The following PITPNC1 variants were observed in gnomAD, a reference collection of about 807,000 sequenced individuals.
PITPNC1 encodes phosphatidylinositol transfer protein cytoplasmic 1, also known as cytoplasmic phosphatidylinositol transfer protein 1.
PITPNC1 carries 18 observed loss-of-function variants against 44.7 expected under a neutral mutation model. The ratio of observed to expected loss-of-function variants is 0.40; its 90% CI spans 0.28 to 0.60. The LOEUF (loss-of-function observed/expected upper bound fraction) is 0.60, where lower values mean the gene tolerates loss of function less well. Ranked by LOEUF, PITPNC1 falls within the 20% of genes least tolerant of loss-of-function variation. The pLI is 0.39. For synonymous variants in PITPNC1, 141 were observed against 149.6 expected (o/e 0.94, Z 0.42); for missense variants, 290 against 418.4 (o/e 0.69, Z 2.68).
chr17:67,383,049 G>C (rs1480137165), intron 1 of PITPNC1, among the ~76,000 whole-genome samples: 1 of 151,960 alleles, frequency 6.6e-6, no homozygotes, highest in Non-Finnish European at 1.5e-5. Context: ...AGGCTGGAGT[G>C]CAGTGGCGCA....
chr17:67,685,884 G>A (rs2042806164), intron 8 of PITPNC1, among the ~76,000 whole-genome samples: 2 of 152,034 alleles, frequency 1.3e-5, no homozygotes, highest in South Asian at 4.2e-4. Flanking sequence ...AGGCTGGAGT[G>A]CAGTGGTGTG....
chr17:67,400,262 T>G (rs1016109927), intron 1 of PITPNC1, among the ~76,000 whole-genome samples: 1 of 152,226 alleles, frequency 6.6e-6, no homozygotes, highest in Non-Finnish European at 1.5e-5. Context: ...GGCTTAAGGA[T>G]TAGTTTATTT....
chr17:67,591,511 TA>T (rs1191537105), intron 5 of PITPNC1, among the ~76,000 whole-genome samples: 1 of 152,286 alleles, frequency 6.6e-6, no homozygotes, highest in African/African-American at 2.4e-5. Context: ...CACCCTGAAA[TA>T]TCTAGAGGTC....
intron 1 of PITPNC1, among the ~76,000 whole-genome samples, chr17:67,528,434 T>G (rs192470826): frequency 3.6e-4 from 53 of 148,714 alleles, no homozygotes; most frequent in Middle Eastern, 3.4e-3. Flanking sequence ...TGATGCTGTA[T>G]CATCATCATC....
At chr17:67,447,920 C>G (rs923687836) in intron 1 of PITPNC1, among the ~76,000 whole-genome samples, 1 of 150,832 alleles carries the variant, frequency 6.6e-6, no homozygotes, top group Non-Finnish European at 1.5e-5. Flanking sequence ...CTCTCTCTGT[C>G]TCTCTCTTTC....
chr17:67,462,179 A>G (rs1162473365), intron 1 of PITPNC1, among the ~76,000 whole-genome samples: 1 of 137,326 alleles, frequency 7.3e-6, no homozygotes, highest in Non-Finnish European at 1.6e-5. Flanking sequence ...GAACTTGCCT[A>G]CACCTTTTTT....
Position 67,401,215 on chromosome 17 carries a change from G to A in PITPNC1, c.48+23013G>A, listed in dbSNP as rs189716571. On this transcript the variant is annotated intron_variant, in intron 1 of 8. Coordinates refer to ENST00000581322, the MANE Select transcript of PITPNC1 (RefSeq NM_012417.4). ...CTCCCAAAATGCTGGGATTACAGGC[G>A]TGAGCCACCGCGCCTGGCCAGTTTT... Among the ~76,000 whole-genome samples the A allele has an allele frequency of 1.4e-3, 217 of 152,246 alleles. 1 individual carries two copies. Among genetic ancestry groups the A allele is most frequent in the African/African-American group, 4.2e-3 (175 of 41,536 alleles).
chr17:67,647,631 G>GA (rs796736364), intron 6 of PITPNC1, among the ~76,000 whole-genome samples: 1,906 of 144,618 alleles, frequency 0.013, 27 homozygotes, highest in African/African-American at 0.031. Context: ...TTTTTAAAAA[G>GA]AAAAAAAAAA....
intron 1 of PITPNC1, among the ~76,000 whole-genome samples, chr17:67,454,260 A>AC (rs913750411): frequency 6.6e-6 from 1 of 151,778 alleles, no homozygotes; most frequent in South Asian, 2.1e-4. Flanking sequence ...TCAAAAAAAA[A>AC]AAAACAAAAC....
intron 6 of PITPNC1, among the ~76,000 whole-genome samples, chr17:67,663,770 C>T (rs1294618071): frequency 1.3e-5 from 2 of 152,166 alleles, no homozygotes; most frequent in South Asian, 2.1e-4. Context: ...GTAACTTCCA[C>T]GTTGTCAGGT....
chr17:67,504,370 A>G (rs981350109), intron 1 of PITPNC1, among the ~76,000 whole-genome samples: 10 of 152,344 alleles, frequency 6.6e-5, no homozygotes, highest in Admixed American at 5.2e-4. Flanking sequence ...CTGTTTTCTC[A>G]GGTGCAAAAC....
At chr17:67,687,159 A>T in intron 8 of PITPNC1, 1 of 1,595,672 alleles carries the variant, frequency 6.3e-7, no homozygotes, top group Non-Finnish European at 8.6e-7. Context: ...CCTGTGGATG[A>T]CATAGAGAGT....
intron 1 of PITPNC1, among the ~76,000 whole-genome samples, chr17:67,378,554 T>C (rs1193481411): frequency 6.6e-6 from 1 of 152,050 alleles, no homozygotes; most frequent in East Asian, 2.0e-4. Flanking sequence ...TAGCTGGGGT[T>C]TGGGGGGCAT....
chr17:67,572,387 A>G (rs747966883), intron 4 of PITPNC1, among the ~76,000 whole-genome samples: 3 of 150,238 alleles, frequency 2.0e-5, no homozygotes, highest in Non-Finnish European at 4.4e-5. Flanking sequence ...AGTGGAAGCA[A>G]AAGTCTTAGT....
At chr17:67,520,474 TC>T (rs1456098113) in intron 1 of PITPNC1, among the ~76,000 whole-genome samples, 1 of 152,224 alleles carries the variant, frequency 6.6e-6, no homozygotes, top group Non-Finnish European at 1.5e-5. Flanking sequence ...GTTTCACATT[TC>T]CTGGCAAATC....
At chr17:67,599,187 A>T (rs192112112) in intron 5 of PITPNC1, among the ~76,000 whole-genome samples, 57 of 151,430 alleles carry the variant, frequency 3.8e-4, no homozygotes, top group African/African-American at 1.1e-3. Flanking sequence ...TTCACACACT[A>T]CCCAGTTTAT....
intron 1 of PITPNC1, among the ~76,000 whole-genome samples, chr17:67,490,974 C>A (rs1352853500): frequency 6.6e-6 from 1 of 152,186 alleles, no homozygotes; most frequent in Non-Finnish European, 1.5e-5. Flanking sequence ...GTTTTGTTTT[C>A]CTCTCTAGAT....
At chr17:67,457,783 G>T (rs1490244705) in intron 1 of PITPNC1, 1 of 152,130 alleles carries the variant, frequency 6.6e-6, no homozygotes, top group Non-Finnish European at 1.5e-5. Flanking sequence ...CTTAGAACTT[G>T]GTATTCTTTA....
intron 1 of PITPNC1, among the ~76,000 whole-genome samples, chr17:67,510,374 C>T (rs923489474): frequency 6.6e-6 from 1 of 152,208 alleles, no homozygotes; most frequent in Non-Finnish European, 1.5e-5. Flanking sequence ...TCCCTGCGTC[C>T]AGAGCTGATG....
Sources: gnomAD v4.1 joint callset for allele counts (sites outside exome capture counted in the v4.1 genomes callset) on GRCh38, gnomAD v4.1.1 for gene constraint, MANE v1.5 for transcripts, NCBI Gene and HGNC (gene_info 2026-07-23, HGNC 2026-07-21) for gene names.